The following FHL2 variants were observed in gnomAD, a reference collection of about 807,000 sequenced individuals.
The protein encoded by FHL2 is four and a half LIM domains protein 2.
Under a neutral mutation model 32.7 loss-of-function variants are expected in FHL2, and 20 were observed. The ratio of observed to expected loss-of-function variants is 0.61; its 90% CI spans 0.43 to 0.89. The LOEUF (loss-of-function observed/expected upper bound fraction) is 0.89, where lower values mean the gene tolerates loss of function less well. Ranked by LOEUF, FHL2 falls within the 40% of genes least tolerant of loss-of-function variation. FHL2 has a pLI of 0.00. For synonymous variants in FHL2, 123 were observed against 128.1 expected, an observed-to-expected ratio of 0.96 and a Z score of 0.27; for missense variants, 311 against 358.6, an observed-to-expected ratio of 0.87 and a Z score of 1.07.
In FHL2 at chr2:105,425,456, G is replaced by A. The variant is rs7349195; in HGVS notation, c.-25+12943C>T. ...CTTGTGGGATGAGAAAGACCTGACT[G>A]TCCCCCAGCCCAACACCCGTAAAGG... On this transcript the variant is annotated intron_variant, in intron 1 of 5. Coordinates refer to the FHL2 transcript ENST00000393352. Among the ~76,000 whole-genome samples the A allele has an allele frequency of 6.8e-3, 1,040 of 152,118 alleles. 2 individuals carry two copies. Among genetic ancestry groups the A allele is most frequent in the Non-Finnish European group, 0.01 (701 of 68,020 alleles).
intron 3 of FHL2, among the ~76,000 whole-genome samples, chr2:105,379,019 C>A (rs1211529768): frequency 1.3e-5 from 2 of 152,118 alleles, no homozygotes; most frequent in Non-Finnish European, 2.9e-5. Context: ...GTGGGTCAAG[C>A]GCCCGCCCCT....
Position 105,367,570 on chromosome 2 carries a change from C to T in FHL2, c.501G>A (p.Lys167=), listed in dbSNP as rs766485699. 6.2e-7 allele frequency: 1 copy of T among 1,611,218 alleles called. No individual in the cohort carries two copies. The highest frequency in any genetic ancestry group is 8.5e-7 in the Non-Finnish European group (1 of 1,178,248). ...AGGGCCAAGGGGGCATCTGAGATAC[C>T]TTTTTGCACTGAACGCACTGCATGG... ...QHAMQCVQCK[K]PITTGGVTYR... Residue 167 remains lysine (K), a splice_region_variant and synonymous_variant, in exon 5 of 7, where the codon AAG becomes AAA. Transcript: ENST00000530340.
chr2:105,361,310 C>A lies in FHL2; in HGVS notation c.813G>T (p.Leu271=). The A allele has an allele frequency of 6.2e-7, 1 of 1,614,034 alleles. No individual in the cohort carries two copies. The highest frequency in any genetic ancestry group is 2.2e-5 in the East Asian group (1 of 44,872). ...AGATGTCTTTCCCACAGTCGGGGCA[C>A]AGGATGTCGTCCCTCTCTGTGAGGA... ...RGFLTERDDI[L]CPDCGKDI The change falls in exon 7 of 7, where the codon CTG becomes CTT. Residue 271 remains leucine, a synonymous_variant. Transcript: ENST00000530340.
chr2:105,362,104 A>G lies in FHL2; in HGVS notation c.689-670T>C, dbSNP rs557585146. On this transcript the variant is annotated intron_variant, in intron 6 of 6. Transcript: ENST00000530340. ...TACATTTAAAAGTGCTTTTATATAG[A>G]TTGTATCACTTTATAAAGCTTAATG... Among the ~76,000 whole-genome samples, 4 of 152,342 alleles carry G rather than the reference A, an allele frequency of 2.6e-5. No individual in the cohort carries two copies. In the South Asian group the frequency reaches 8.3e-4, roughly 32 times the overall value.
intron 3 of FHL2, among the ~76,000 whole-genome samples, chr2:105,379,657 G>A (rs901700083): frequency 1.2e-4 from 18 of 152,342 alleles, no homozygotes; most frequent in African/African-American, 4.1e-4. Flanking sequence ...TGGCACGTCA[G>A]CCCCTTTGCA....
intron 1 of FHL2, among the ~76,000 whole-genome samples, chr2:105,423,125 C>T (rs1187568761): frequency 6.6e-6 from 1 of 152,102 alleles, no homozygotes; most frequent in Non-Finnish European, 1.5e-5. Context: ...TGATGTTTGC[C>T]CCCAGAGGAA....
intron 2 of FHL2, chr2:105,390,028 ACCAT>A (rs1300871633): frequency 6.6e-6 from 1 of 152,220 alleles, no homozygotes; most frequent in Non-Finnish European, 1.5e-5. Flanking sequence ...GGAGATTGAG[ACCAT>A]CCTGGCTAAC....
At chr2:105,421,106 G>A (rs1468802054) in intron 1 of FHL2, among the ~76,000 whole-genome samples, 1 of 152,192 alleles carries the variant, frequency 6.6e-6, no homozygotes, top group Non-Finnish European at 1.5e-5. Context: ...GCAGTTTATG[G>A]TCAGACTCCA....
At chr2:105,392,493 A>T (rs1032522808) in intron 2 of FHL2, among the ~76,000 whole-genome samples, 2 of 152,162 alleles carry the variant, frequency 1.3e-5, no homozygotes, top group Admixed American at 6.5e-5. Flanking sequence ...CCAAAGAAAA[A>T]AAAGAAAAAG....
intron 2 of FHL2, among the ~76,000 whole-genome samples, chr2:105,391,801 C>A (rs554226751): frequency 2.0e-5 from 3 of 152,322 alleles, no homozygotes; most frequent in African/African-American, 7.2e-5. Flanking sequence ...TCTGTGAACT[C>A]CACATCCCTC....
At chr2:105,405,206 C>T (rs766642163) in intron 1 of FHL2, among the ~76,000 whole-genome samples, 1 of 152,198 alleles carries the variant, frequency 6.6e-6, no homozygotes, top group African/African-American at 2.4e-5. Context: ...TCTCTGCCTG[C>T]CTTCTCTTAG....
intron 6 of FHL2, among the ~76,000 whole-genome samples, chr2:105,362,511 A>T (rs566869996): frequency 2.0e-5 from 3 of 152,290 alleles, no homozygotes; most frequent in East Asian, 1.9e-4. Flanking sequence ...GCCACCGGGT[A>T]CTCCAAGTGT....
At chr2:105,412,507 A>G (rs1683822271) in intron 1 of FHL2, among the ~76,000 whole-genome samples, 1 of 152,234 alleles carries the variant, frequency 6.6e-6, no homozygotes, top group African/African-American at 2.4e-5. Context: ...GATGAGATTC[A>G]GGGAGAAGGT....
intron 3 of FHL2, among the ~76,000 whole-genome samples, chr2:105,377,537 A>C (rs1681557902): frequency 6.6e-6 from 1 of 152,186 alleles, no homozygotes; most frequent in South Asian, 2.1e-4. Context: ...AGGCTGAGGC[A>C]GGAGAATCTT....
chr2:105,431,609 G>C (rs1684434352), intron 1 of FHL2, among the ~76,000 whole-genome samples: 1 of 152,168 alleles, frequency 6.6e-6, no homozygotes, highest in South Asian at 2.1e-4. Flanking sequence ...AAGAGATGAG[G>C]TCAGATTCCT....
In FHL2 at chr2:105,367,823, CCCTCTAGTTTTATGACCAGAGCAAG is replaced by C. The variant is rs1680745272; in HGVS notation, c.332-109_332-85del. On this transcript the variant is annotated intron_variant, in intron 4 of 6. Transcript: ENST00000530340. ...AGCAATCTGCCTTCAGAGCTTGCTG[CCCTCTAGTTTTATGACCAGAGCAAG>C]CCACTTCAGCTCTTGAAGGCTCGCC... The C allele has an allele frequency of 2.8e-6, 4 of 1,415,098 alleles. No homozygotes were observed. In the African/African-American group the frequency reaches 4.3e-5, roughly 15 times the overall value. The allele number at this position is 1,415,098 out of a possible 1,614,324, so 87.7% of individuals were successfully genotyped here.
intron 4 of FHL2, among the ~76,000 whole-genome samples, chr2:105,371,306 C>CT (rs1681045159): frequency 6.6e-6 from 1 of 152,130 alleles, no homozygotes; most frequent in Admixed American, 6.5e-5. Context: ...CAGGGCCGGG[C>CT]TTCATCTAAT....
At chr2:105,360,323 A>T (rs1310543761), downstream of FHL2, 1 of 136,102 alleles carries the variant, frequency 7.3e-6, no homozygotes, top group Non-Finnish European at 1.6e-5. Flanking sequence ...AAAAAAAGGG[A>T]GAGAAGGTAG....
intron 3 of FHL2, among the ~76,000 whole-genome samples, chr2:105,385,658 C>T (rs932861787): frequency 1.3e-5 from 2 of 152,158 alleles, no homozygotes; most frequent in African/African-American, 4.8e-5. Context: ...TCAGAGAGTT[C>T]AGAGCTATGG....
Sources: gnomAD v4.1 joint callset for allele counts (sites outside exome capture counted in the v4.1 genomes callset) on GRCh38, gnomAD v4.1.1 for gene constraint, MANE v1.5 for transcripts, NCBI Gene and HGNC (gene_info 2026-07-23, HGNC 2026-07-21) for gene names.